SLC24A2: variants seen among roughly 807,000 people sequenced by gnomAD.
SLC24A2 encodes solute carrier family 24 member 2.
In SLC24A2, 36 loss-of-function variants were observed where a neutral mutation model predicts 62.0. That is an observed-to-expected ratio of 0.58 (90% CI 0.44 to 0.77). The LOEUF (loss-of-function observed/expected upper bound fraction) is 0.77, where lower values mean the gene tolerates loss of function less well. Ranked by LOEUF, SLC24A2 falls within the 30% of genes least tolerant of loss-of-function variation. The pLI, the probability that SLC24A2 is intolerant of heterozygous loss-of-function variation, is 0.00. For missense variants in SLC24A2, 846 were observed against 817.9 expected, an observed-to-expected ratio of 1.03 and a Z score of -0.42; for synonymous variants, 358 against 294.0, an observed-to-expected ratio of 1.22 and a Z score of -2.23.
At chr9:19,724,499 G>A (rs538316414) in intron 2 of SLC24A2, among the ~76,000 whole-genome samples, 1 of 152,290 alleles carries the variant, frequency 6.6e-6, no homozygotes, top group African/African-American at 2.4e-5. Flanking sequence ...AACTTGACAT[G>A]CCTTTTGCCT....
intron 10 of SLC24A2, among the ~76,000 whole-genome samples, chr9:19,516,955 T>G (rs1406131323): frequency 1.3e-5 from 2 of 152,262 alleles, no homozygotes; most frequent in East Asian, 3.8e-4. Flanking sequence ...GGGAAAGATG[T>G]TGACAATTGT....
rs3220155 is a variant in SLC24A2, at chr9:19,615,994, GCACACACACACACACACACACACA to G, written c.1078+3566_1078+3589del. On this transcript the variant is annotated intron_variant, in intron 4 of 10. Transcript: ENST00000341998. ...AGGACATGACCACATTCACAGGCGT[GCACACACACACACACACACACACA>G]CACACACACACACACACACAGTTGC... Among the ~76,000 whole-genome samples the G allele has an allele frequency of 1.6e-3, 232 of 140,904 alleles. 1 individual carries two copies. The highest frequency in any genetic ancestry group is 2.7e-3 in the South Asian group (11 of 4,120). The allele number at this position is 140,904 out of a possible 152,430, so 92.4% of individuals were successfully genotyped here. A position where few individuals can be genotyped will look rare whatever the true frequency, so the allele number is the denominator to read the frequency against.
intron 8 of SLC24A2, among the ~76,000 whole-genome samples, chr9:19,533,255 G>T (rs954890847): frequency 6.6e-6 from 1 of 152,168 alleles, no homozygotes. Context: ...AGGCAGAGCT[G>T]CCAGGCCCTA....
chr9:19,732,257 C>T (rs1485956536), intron 2 of SLC24A2, among the ~76,000 whole-genome samples: 1 of 152,102 alleles, frequency 6.6e-6, no homozygotes, highest in Non-Finnish European at 1.5e-5. Flanking sequence ...TGGTTTAGCC[C>T]CCCTGGCTGG....
chr9:20,292,121 G>C, the SLC24A2 span, among the ~76,000 whole-genome samples: 7,266 of 152,276 alleles, frequency 0.048, 231 homozygotes, highest in Non-Finnish European at 0.071. Flanking sequence ...ACACAGCAGA[G>C]GGTACTGACA....
the SLC24A2 span, among the ~76,000 whole-genome samples, chr9:19,880,849 G>A: frequency 2.2e-4 from 34 of 152,104 alleles, 1 homozygote; most frequent in Admixed American, 1.2e-3. Flanking sequence ...CAAAGGAGTC[G>A]CAGGATGTAG....
chr9:19,567,415 G>A (rs1220543047), intron 7 of SLC24A2, among the ~76,000 whole-genome samples: 52 of 151,158 alleles, frequency 3.4e-4, no homozygotes, highest in African/African-American at 1.1e-3. Flanking sequence ...GTGTGGTGGC[G>A]GGCGCCTGTA....
chr9:20,037,481 T>A, the SLC24A2 span, among the ~76,000 whole-genome samples: 1 of 152,216 alleles, frequency 6.6e-6, no homozygotes, highest in East Asian at 1.9e-4. Flanking sequence ...CTATTGTGAA[T>A]AGTGCTGCAA....
At chr9:20,098,851 A>G in the SLC24A2 span, among the ~76,000 whole-genome samples, 3 of 152,348 alleles carry the variant, frequency 2.0e-5, no homozygotes, top group South Asian at 6.2e-4. Flanking sequence ...TACAATGAGT[A>G]ACTCTGGTCT....
chr9:20,177,747 C>A, the SLC24A2 span, among the ~76,000 whole-genome samples: 1 of 152,056 alleles, frequency 6.6e-6, no homozygotes, highest in African/African-American at 2.4e-5. Context: ...GACAAGAAAA[C>A]TAGTATCTAT....
the SLC24A2 span, among the ~76,000 whole-genome samples, chr9:19,814,933 A>T: frequency 1.3e-5 from 2 of 152,184 alleles, no homozygotes; most frequent in Non-Finnish European, 2.9e-5. Context: ...TTTTCTCCTT[A>T]TGTTAGGTTT....
the SLC24A2 span, among the ~76,000 whole-genome samples, chr9:20,091,108 A>T: frequency 2.8e-4 from 42 of 152,102 alleles, no homozygotes; most frequent in Non-Finnish European, 5.4e-4. Context: ...ACAATCTGAG[A>T]AATTGAAGAC....
At chr9:19,710,642 T>A (rs1332847700) in intron 2 of SLC24A2, among the ~76,000 whole-genome samples, 4 of 152,062 alleles carry the variant, frequency 2.6e-5, no homozygotes, top group African/African-American at 9.7e-5. Flanking sequence ...GAAAATGATA[T>A]GAGGGATCTG....
At chr9:19,727,585 G>A (rs1821208647) in intron 2 of SLC24A2, among the ~76,000 whole-genome samples, 1 of 152,150 alleles carries the variant, frequency 6.6e-6, no homozygotes, top group Non-Finnish European at 1.5e-5. Flanking sequence ...CTAGCATGTG[G>A]CAGACACTCG....
chr9:20,115,507 A>G, the SLC24A2 span, among the ~76,000 whole-genome samples: 1 of 152,158 alleles, frequency 6.6e-6, no homozygotes, highest in Non-Finnish European at 1.5e-5. Context: ...AGTACCCAGC[A>G]AGCCAAATCA....
chr9:20,190,690 T>C, the SLC24A2 span, among the ~76,000 whole-genome samples: 4 of 152,164 alleles, frequency 2.6e-5, no homozygotes, highest in Non-Finnish European at 5.9e-5. Flanking sequence ...ACCTGTGCTT[T>C]TTCTGTATTA....
chr9:20,084,962 G>A, the SLC24A2 span, among the ~76,000 whole-genome samples: 2 of 152,104 alleles, frequency 1.3e-5, no homozygotes, highest in African/African-American at 4.8e-5. Flanking sequence ...TAGTTTTTCT[G>A]CAAAAGACAG....
chr9:20,297,045 C>G, the SLC24A2 span, among the ~76,000 whole-genome samples: 1 of 151,964 alleles, frequency 6.6e-6, no homozygotes, highest in Non-Finnish European at 1.5e-5. Context: ...GGATTTTGGA[C>G]TAGGAATTTT....
intron 2 of SLC24A2, among the ~76,000 whole-genome samples, chr9:19,729,608 G>A (rs1821274328): frequency 6.6e-6 from 1 of 152,102 alleles, no homozygotes. Flanking sequence ...TAAGCCAGGA[G>A]CAGAAAGTTA....
Sources: gnomAD v4.1 joint callset for allele counts (sites outside exome capture counted in the v4.1 genomes callset) on GRCh38, gnomAD v4.1.1 for gene constraint, MANE v1.5 for transcripts, NCBI Gene and HGNC (gene_info 2026-07-23, HGNC 2026-07-21) for gene names.